POLA1: variants seen among roughly 807,000 people sequenced by gnomAD.
The protein encoded by POLA1 is DNA polymerase alpha catalytic subunit.
Under a neutral mutation model 124.0 loss-of-function variants are expected in POLA1, and 15 were observed. That is an observed-to-expected ratio of 0.12 (90% CI 0.08 to 0.19). The LOEUF (loss-of-function observed/expected upper bound fraction) is 0.19. Ranked by LOEUF, POLA1 falls within the 10% of genes least tolerant of loss-of-function variation. POLA1 has a pLI of 1.00. For missense variants in POLA1, 886 were observed against 1,103.4 expected (o/e 0.80, Z 2.79); for synonymous variants, 408 against 389.4 (o/e 1.05, Z -0.56).
intron 33 of POLA1, 104 bp from the exon 34 acceptor site, chrX:24,843,442 G>A (rs759014831): frequency 8.7e-5 from 45 of 518,851 alleles, no homozygotes; most frequent in Admixed American, 7.4e-4. Flanking sequence ...CCAATAAAAC[G>A]AATTAAGAAT....
intron 36 of POLA1, among the ~76,000 whole-genome samples, chrX:24,953,052 C>G (rs181513643): frequency 8.9e-6 from 1 of 112,073 alleles, no homozygotes; most frequent in African/African-American, 3.2e-5. Flanking sequence ...TCACAATAAT[C>G]TGCTGAATGG....
intron 18 of POLA1, among the ~76,000 whole-genome samples, chrX:24,736,702 A>G (rs962660789): frequency 2.7e-5 from 3 of 112,079 alleles, no homozygotes; most frequent in Non-Finnish European, 5.6e-5. Context: ...TTTATAGTAT[A>G]CAGTTCAGTG....
At chrX:24,868,072 C>T (rs2046817905) in intron 34 of POLA1, among the ~76,000 whole-genome samples, 1 of 111,687 alleles carries the variant, frequency 9.0e-6, no homozygotes, top group South Asian at 3.9e-4. Context: ...TTGTGCTGTA[C>T]GAAAGCTGCC....
chrX:24,909,564 C>A (rs1187377714), intron 35 of POLA1, among the ~76,000 whole-genome samples: 1 of 110,241 alleles, frequency 9.1e-6, no homozygotes, highest in African/African-American at 3.3e-5. Context: ...GGCATTATTT[C>A]TGAGGGCTCT....
chrX:24,931,599 T>C (rs2047780202), intron 36 of POLA1, among the ~76,000 whole-genome samples: 1 of 112,320 alleles, frequency 8.9e-6, no homozygotes, highest in Non-Finnish European at 1.9e-5. Flanking sequence ...CTCTAGATGT[T>C]CAACAAGGAC....
intron 27 of POLA1, among the ~76,000 whole-genome samples, chrX:24,810,417 T>C (rs535597555): frequency 3.6e-5 from 4 of 111,515 alleles, no homozygotes; most frequent in African/African-American, 1.3e-4. Context: ...TTTTTTCTCA[T>C]TATTTAATTT....
chrX:24,711,381 T>C (rs866869892), intron 4 of POLA1, among the ~76,000 whole-genome samples: 83 of 112,615 alleles, frequency 7.4e-4, no homozygotes, highest in African/African-American at 2.4e-3. Context: ...TATTAGAACA[T>C]AGAGAGCTTG....
Position 24,899,191 on chromosome X carries a change from G to A in POLA1, c.4164+11069G>A, listed in dbSNP as rs189289582. On this transcript the variant is annotated intron_variant, in intron 35 of 36. Transcript: ENST00000379068. ...CACATTAATGCTGCTATTAAGATCC[G>A]TGTGCTATAAATTAGATAAGCTTTA... is the stretch of plus-strand genomic sequence containing the variant. Among the ~76,000 whole-genome samples the A allele has an allele frequency of 9.9e-5, 11 of 111,656 alleles. No homozygotes were observed. The East Asian group carries it at 2.8e-3, about 28-fold the overall frequency.
At chrX:24,972,395 T>A (rs2048314755) in intron 36 of POLA1, among the ~76,000 whole-genome samples, 1 of 112,384 alleles carries the variant, frequency 8.9e-6, no homozygotes, top group East Asian at 2.8e-4. Flanking sequence ...ATCTTCTTTA[T>A]CCTGCTCTCT....
chrX:24,858,384 T>C (rs769365113), intron 34 of POLA1, among the ~76,000 whole-genome samples: 3 of 112,116 alleles, frequency 2.7e-5, no homozygotes, highest in South Asian at 7.5e-4. Context: ...TGAGGAATTA[T>C]GGTCTTTCCA....
At chrX:24,820,353 T>C (rs185417079) in intron 30 of POLA1, among the ~76,000 whole-genome samples, 1 of 111,465 alleles carries the variant, frequency 9.0e-6, no homozygotes, top group East Asian at 2.8e-4. Context: ...GGCTCTGCAG[T>C]CCACACTTTG....
intron 4 of POLA1, among the ~76,000 whole-genome samples, chrX:24,713,826 A>G (rs988868394): frequency 8.9e-6 from 1 of 112,316 alleles, no homozygotes; most frequent in East Asian, 2.8e-4. Context: ...ATGCCACCAT[A>G]TCATAATTGG....
At chrX:24,777,571 A>G (rs1211556828) in intron 26 of POLA1, among the ~76,000 whole-genome samples, 2 of 112,735 alleles carry the variant, frequency 1.8e-5, no homozygotes, top group Non-Finnish European at 3.7e-5. Flanking sequence ...ACCATTTTTA[A>G]GTGTGCAGGT....
Position 24,949,277 on chromosome X carries a change from T to C in POLA1, c.4261+18728T>C, listed in dbSNP as rs1430601052. Among the ~76,000 whole-genome samples the C allele has an allele frequency of 7.2e-5, 8 of 111,749 alleles. No individual in the cohort carries two copies. The East Asian group carries it at 2.2e-3, about 31-fold the overall frequency. ...CTAAATGGTTGCTAATATTTTTTAG[T>C]GTGGGGAGTTCCTATAAAGAGCCAA... On this transcript the variant is annotated intron_variant, in intron 36 of 36. Transcript: ENST00000379068.
chrX:24,744,831 G>T (rs984615091), intron 23 of POLA1, among the ~76,000 whole-genome samples: 1 of 107,491 alleles, frequency 9.3e-6, no homozygotes, highest in East Asian at 2.9e-4. Flanking sequence ...CGCGCCTGTA[G>T]TCCCAGCTAT....
intron 35 of POLA1, among the ~76,000 whole-genome samples, chrX:24,929,246 G>C (rs1478620697): frequency 1.8e-5 from 2 of 111,850 alleles, no homozygotes; most frequent in African/African-American, 6.5e-5. Context: ...TCCATATCCA[G>C]TTGTAGATAG....
intron 35 of POLA1, among the ~76,000 whole-genome samples, chrX:24,919,340 C>T (rs1371876986): frequency 1.8e-5 from 2 of 111,731 alleles, no homozygotes; most frequent in African/African-American, 3.3e-5. Flanking sequence ...AGTTATAATA[C>T]TCACTGCCAT....
chrX:24,698,944 C>T (rs1043293010), intron 1 of POLA1, among the ~76,000 whole-genome samples: 8 of 112,244 alleles, frequency 7.1e-5, no homozygotes, highest in African/African-American at 1.3e-4. Context: ...TGAGCCACCA[C>T]GCCCAGCCTG....
chrX:24,797,190 A>G (rs1169225628), intron 26 of POLA1, among the ~76,000 whole-genome samples: 2 of 111,313 alleles, frequency 1.8e-5, no homozygotes, highest in African/African-American at 3.3e-5. Context: ...TGTGACTTAC[A>G]AGGCCCTTCA....
Sources: allele counts gnomAD v4.1 joint callset (sites outside exome capture counted in the v4.1 genomes callset), GRCh38; gene constraint gnomAD v4.1.1; transcripts MANE v1.5; gene names NCBI Gene and HGNC (gene_info 2026-07-23, HGNC 2026-07-21).